Variants in KIFC3 observed in about 807,000 individuals in gnomAD.
The protein encoded by KIFC3 is kinesin family member C3.
Under a neutral mutation model 101.8 loss-of-function variants are expected in KIFC3, and 60 were observed. That is an observed-to-expected ratio of 0.59 (90% confidence interval 0.48 to 0.73). The LOEUF (loss-of-function observed/expected upper bound fraction) is 0.73. Ranked by LOEUF, KIFC3 falls within the 30% of genes least tolerant of loss-of-function variation. The probability of loss-of-function intolerance (pLI) is 0.00; values close to 1 mark genes in which losing one functional copy is unlikely to be tolerated. For missense variants in KIFC3, 966 were observed against 1,137.1 expected (o/e 0.85, Z 2.16); for synonymous variants, 476 against 482.7 (o/e 0.99, Z 0.18).
intron 1 of KIFC3, among the ~76,000 whole-genome samples, chr16:57,829,393 A>G (rs2055528043): frequency 6.6e-6 from 1 of 152,004 alleles, no homozygotes; most frequent in African/African-American, 2.4e-5. Context: ...AGCTGAAACC[A>G]CAGGCGTGTG....
At chr16:57,851,203 G>T (rs1159530388) in intron 1 of KIFC3, among the ~76,000 whole-genome samples, 1 of 151,546 alleles carries the variant, frequency 6.6e-6, no homozygotes, top group Non-Finnish European at 1.5e-5. Flanking sequence ...TTGTAGAGAC[G>T]GGGGTCTCAT....
upstream of KIFC3, chr16:57,807,929 T>TTAA (rs1292490841): frequency 1.2e-5 from 1 of 81,562 alleles, no homozygotes; most frequent in African/African-American, 4.9e-5. Context: ...GATCCTGTCT[T>TTAA]AAAAAAAAAA....
At position 57,817,363 on chromosome 16, in the gene KIFC3, G is replaced by GA. The variant is rs558346738; in HGVS notation, c.109-19082dup. 7.4e-3 allele frequency among the ~76,000 whole-genome samples: 974 copies of GA among 131,790 alleles called. 11 individuals carry two copies. The highest frequency in any genetic ancestry group is 0.024 in the African/African-American group (850 of 35,890). The allele number at this position is 131,790 out of a possible 152,430, so 86.5% of individuals were successfully genotyped here. ...GACAGAGAGAGACTCTGTCTCAACA[G>GA]AAAAAAAAAAAGAGAAGAAAGAAAA... On this transcript the variant is annotated intron_variant, in intron 1 of 2. Transcript: ENST00000563028.
chr16:57,839,308 G>A (rs1271251671), intron 1 of KIFC3, among the ~76,000 whole-genome samples: 2 of 152,200 alleles, frequency 1.3e-5, no homozygotes, highest in South Asian at 2.1e-4. Flanking sequence ...GGGAGGCCAA[G>A]GCGGGAGGAT....
intron 1 of KIFC3, among the ~76,000 whole-genome samples, chr16:57,832,453 A>T (rs1483803249): frequency 6.8e-6 from 1 of 148,082 alleles, no homozygotes; most frequent in Non-Finnish European, 1.5e-5. Flanking sequence ...CCTCCCAAGT[A>T]GCTGGGATGT....
At chr16:57,762,658 C>T (rs1555599085) in intron 12 of KIFC3, among the ~76,000 whole-genome samples, 1 of 152,130 alleles carries the variant, frequency 6.6e-6, no homozygotes, top group Non-Finnish European at 1.5e-5. Context: ...GAGGCTGAGA[C>T]CTGGGCTCTG....
At position 57,765,644 on chromosome 16, in the gene KIFC3, G is replaced by A. The variant is rs1555602300; in HGVS notation, c.1331-4C>T. The stretch of plus-strand genomic sequence containing the variant: ...CGAGCAATCACTCGGATGTTCCCTG[G>A]ATTGGTTGGGGATGGGGAAATGGGT... On this transcript the variant is annotated splice_polypyrimidine_tract_variant and splice_region_variant and intron_variant, in intron 10 of 19. Coordinates refer to ENST00000445690, the MANE Select transcript of KIFC3 (RefSeq NM_001130100.2). The A allele has an allele frequency of 1.9e-6, 3 of 1,607,308 alleles. No individual in the cohort carries two copies. The South Asian group carries it at 3.3e-5, about 18-fold the overall frequency.
In KIFC3 at chr16:57,819,663, C is replaced by T. The variant is rs529679993; in HGVS notation, c.109-21381G>A. Reference sequence around the variant, plus strand: ...GCAGCCTCCGCCTCCCAGGTTCAAGCGATTCTCCTGCCTCAGCCTCCTGAG... The same window carrying T: ...GCAGCCTCCGCCTCCCAGGTTCAAGTGATTCTCCTGCCTCAGCCTCCTGAG... On this transcript the variant is annotated intron_variant, in intron 1 of 2. Coordinates refer to the KIFC3 transcript ENST00000563028. Among the ~76,000 whole-genome samples, 346 of 152,158 alleles carry T rather than the reference C, an allele frequency of 2.3e-3. 2 individuals are homozygous for T. The highest frequency in any genetic ancestry group is 8.0e-3 in the African/African-American group (330 of 41,500).
At chr16:57,827,246 T>G (rs77552962) in intron 1 of KIFC3, among the ~76,000 whole-genome samples, 6,822 of 152,326 alleles carry the variant, frequency 0.045, 208 homozygotes, top group Middle Eastern at 0.078. Flanking sequence ...GGGTCTCACT[T>G]CAGTGACTTG....
chr16:57,778,416 C>G lies in KIFC3; in HGVS notation c.316-6128G>C, dbSNP rs539241373. 1.6e-4 allele frequency among the ~76,000 whole-genome samples: 25 copies of G among 151,930 alleles called. No individual in the cohort carries two copies. In the South Asian group the frequency reaches 5.2e-3, roughly 32 times the overall value. On this transcript the variant is annotated intron_variant, in intron 3 of 19. Coordinates refer to ENST00000445690, the MANE Select transcript of KIFC3 (RefSeq NM_001130100.2). The stretch of plus-strand genomic sequence containing the variant: ...TTGGATATAACACCAAAAGCACAGG[C>G]AATAAAAGAAAAAATAGGTAAGTCA...
chr16:57,805,729 G>T (rs917477925), upstream of KIFC3, among the ~76,000 whole-genome samples: 2 of 146,768 alleles, frequency 1.4e-5, no homozygotes, highest in Non-Finnish European at 1.5e-5. Context: ...AGGCTGGAGT[G>T]CAGTGGCGCA....
chr16:57,833,467 A>G (rs1555479748), intron 1 of KIFC3, among the ~76,000 whole-genome samples: 1 of 152,186 alleles, frequency 6.6e-6, no homozygotes, highest in East Asian at 1.9e-4. Context: ...TGAGCCCTGC[A>G]CTGGGGAGCA....
chr16:57,791,545 C>G (rs1598111362), intron 3 of KIFC3, among the ~76,000 whole-genome samples: 1 of 152,336 alleles, frequency 6.6e-6, no homozygotes, highest in Middle Eastern at 3.4e-3. Context: ...GGGACCCACT[C>G]TGGCCCCACA....
chr16:57,759,489 C>T (rs1555593425), intron 18 of KIFC3: 1 of 579,194 alleles, frequency 1.7e-6, no homozygotes, highest in African/African-American at 1.9e-5. Context: ...GGCTGAGAGG[C>T]TGGGGTCTCC....
In KIFC3 at chr16:57,762,123, C is replaced by T; in HGVS notation, c.1748+17G>A. The T allele has an allele frequency of 1.3e-6, 2 of 1,579,812 alleles. No homozygotes were observed. Among genetic ancestry groups the T allele is most frequent in the Non-Finnish European group, 1.7e-6 (2 of 1,160,860 alleles). On this transcript the variant is annotated intron_variant, in intron 13 of 19. Transcript: ENST00000445690. ...AGCTGCCCCTGAGGCCTGCTCCGCA[C>T]ACCCTGGGGCTCCCACCTGAGGACC...
chr16:57,844,768 C>T (rs1356523945), intron 1 of KIFC3, among the ~76,000 whole-genome samples: 4 of 152,170 alleles, frequency 2.6e-5, no homozygotes, highest in African/African-American at 9.7e-5. Context: ...GCACAGTCTT[C>T]TATGCTGGAG....
chr16:57,856,566 A>G (rs1596901675), intron 1 of KIFC3, among the ~76,000 whole-genome samples: 1 of 151,990 alleles, frequency 6.6e-6, no homozygotes, highest in East Asian at 1.9e-4. Context: ...AGAAAGAAAG[A>G]AAAGAAAAGT....
chr16:57,824,256 AC>A (rs2055414801), intron 1 of KIFC3, among the ~76,000 whole-genome samples: 1 of 152,228 alleles, frequency 6.6e-6, no homozygotes. Context: ...TGGGGGAGCC[AC>A]TGAGTCTGCA....
chr16:57,795,877 C>CTTTTTTTT (rs1568047538), intron 2 of KIFC3, among the ~76,000 whole-genome samples: 9 of 81,092 alleles, frequency 1.1e-4, no homozygotes, highest in African/African-American at 2.8e-4. Flanking sequence ...TTTTTTTGGG[C>CTTTTTTTT]TTTTTTGTTT....
Sources: gnomAD v4.1 joint callset for allele counts (sites outside exome capture counted in the v4.1 genomes callset) on GRCh38, gnomAD v4.1.1 for gene constraint, MANE v1.5 for transcripts, NCBI Gene and HGNC (gene_info 2026-07-23, HGNC 2026-07-21) for gene names.